Variants in GALNT5 observed in about 807,000 individuals in gnomAD.
The protein encoded by GALNT5 is UDP-GalNAc:polypeptide N-acetylgalactosaminyltransferase 5.
Under a neutral mutation model 85.4 loss-of-function variants are expected in GALNT5, and 72 were observed. The observed-to-expected ratio is 0.84, with a 90% CI of 0.70 to 1.03. GALNT5 has a LOEUF of 1.03. Among genes scored for constraint, GALNT5 ranks in the 50% least tolerant of loss-of-function variants. The pLI is 0.00. For missense variants in GALNT5, 1,137 were observed against 1,135.5 expected (o/e 1.00, Z -0.02); for synonymous variants, 404 against 397.0 (o/e 1.02, Z -0.21).
chr2:157,280,318 C>A (rs1682828449), intron 1 of GALNT5, among the ~76,000 whole-genome samples: 1 of 152,122 alleles, frequency 6.6e-6, no homozygotes. Context: ...TCACATGTAT[C>A]CTTATAAAAG....
chr2:157,274,325 G>A (rs1258588965), intron 1 of GALNT5, among the ~76,000 whole-genome samples: 1 of 152,140 alleles, frequency 6.6e-6, no homozygotes, highest in Admixed American at 6.6e-5. Context: ...ATAATCCTTT[G>A]GGTATATACC....
intron 9 of GALNT5, among the ~76,000 whole-genome samples, chr2:157,309,275 A>G (rs1458807231): frequency 6.6e-6 from 1 of 152,178 alleles, no homozygotes; most frequent in Non-Finnish European, 1.5e-5. Context: ...CCAGCTTTGC[A>G]TTTAATCATA....
chr2:157,307,034 A>G (rs774687863), intron 8 of GALNT5, among the ~76,000 whole-genome samples: 9 of 151,496 alleles, frequency 5.9e-5, no homozygotes, highest in Non-Finnish European at 1.3e-4. Flanking sequence ...AGGAATCATC[A>G]TAGCAGGGAG....
rs1682268819 is a variant in GALNT5, at chr2:157,258,976, G to A, written c.894G>A (p.Leu298=). The change falls in exon 1 of 10, where the codon TTG becomes TTA. Residue 298 remains leucine, a synonymous_variant. Coordinates refer to ENST00000259056, the MANE Select transcript of GALNT5 (RefSeq NM_014568.3). ...LRKQSINETP[L]GSLSKDDGAR... is the part of the protein sequence containing the mutation. ...AGCAATCTATTAATGAGACACCTTT[G>A]GGAAGTTTGTCAAAGGATGATGGAG... 5.3e-6 allele frequency: 8 copies of A among 1,502,674 alleles called. No homozygotes were observed. Among genetic ancestry groups the A allele is most frequent in the African/African-American group, 2.8e-5 (2 of 71,534 alleles). The allele number at this position is 1,502,674 out of a possible 1,614,324, so 93.1% of individuals were successfully genotyped here. A position where few individuals can be genotyped will look rare whatever the true frequency, so the allele number is the denominator to read the frequency against.
chr2:157,302,345 AT>A (rs1266110420), intron 7 of GALNT5: 3 of 152,344 alleles, frequency 2.0e-5, no homozygotes, highest in East Asian at 1.9e-4. Flanking sequence ...TCTTAAAAAA[AT>A]GGTTCTGTTT....
chr2:157,309,468 C>T (rs150810012), intron 9 of GALNT5, among the ~76,000 whole-genome samples: 78 of 152,288 alleles, frequency 5.1e-4, no homozygotes, highest in African/African-American at 1.5e-3. Context: ...TAACAGAATA[C>T]GGAGTCATAA....
At position 157,312,657 on chromosome 2, in the gene GALNT5, C is replaced by G. The variant is rs1683600981; in HGVS notation, c.*1309C>G. 1 of 151,958 alleles carries G rather than the reference C, an allele frequency of 6.6e-6. No individual in the cohort carries two copies. The highest frequency in any genetic ancestry group is 2.4e-5 in the African/African-American group (1 of 41,360). 9.4% of individuals were successfully genotyped at this position (151,958 alleles called of 1,614,324 possible). ...ATTCATTTTGGTAAGAAAACTGATG[C>G]TGAGAGGATAAATTACCTAAAAATC... On this transcript the variant is annotated 3_prime_UTR_variant, in exon 10 of 10. Transcript: ENST00000259056.
chr2:157,286,042 A>C lies in GALNT5; in HGVS notation c.1649A>C (p.Tyr550Ser). The C allele has an allele frequency of 6.2e-7, 1 of 1,600,816 alleles. No individual in the cohort carries two copies. Among genetic ancestry groups the C allele is most frequent in the Non-Finnish European group, 8.6e-7 (1 of 1,167,878 alleles). ...KDYLKDNLDK[Y>S]MSQFPKVRIL... ...TATCTAAAAGATAATTTGGATAAAT[A>C]CATGTCCCAGTTTCCAAAAGTTCGG... The change falls in exon 3 of 10, where the codon TAC becomes TCC. Residue 550 changes from tyrosine to serine, a missense_variant. Transcript: ENST00000259056.
At chr2:157,273,825 T>G (rs887343755) in intron 1 of GALNT5, among the ~76,000 whole-genome samples, 4 of 151,736 alleles carry the variant, frequency 2.6e-5, no homozygotes, top group Non-Finnish European at 5.9e-5. Context: ...TGTATTTTTT[T>G]TATTATACTT....
intron 5 of GALNT5, among the ~76,000 whole-genome samples, chr2:157,296,929 T>C (rs1004259553): frequency 9.9e-5 from 15 of 152,236 alleles, no homozygotes; most frequent in Admixed American, 5.9e-4. Context: ...AGCCTAATCC[T>C]ACCCCCTCCA....
At chr2:157,282,680 G>T (rs755212553) in intron 1 of GALNT5, among the ~76,000 whole-genome samples, 1 of 152,056 alleles carries the variant, frequency 6.6e-6, no homozygotes, top group Non-Finnish European at 1.5e-5. Context: ...TTCCAAATCA[G>T]TAATTAGAAA....
At chr2:157,293,109 G>A (rs1683134140) in intron 3 of GALNT5, among the ~76,000 whole-genome samples, 1 of 152,234 alleles carries the variant, frequency 6.6e-6, no homozygotes, top group Non-Finnish European at 1.5e-5. Flanking sequence ...AGGGGAGACA[G>A]CTGTCCCAAA....
intron 1 of GALNT5, among the ~76,000 whole-genome samples, chr2:157,260,758 G>A (rs949029894): frequency 6.6e-6 from 1 of 152,206 alleles, no homozygotes; most frequent in Non-Finnish European, 1.5e-5. Flanking sequence ...TTAGAAAGAA[G>A]AGTCTCTTCA....
intron 1 of GALNT5, among the ~76,000 whole-genome samples, chr2:157,260,555 C>A (rs975644243): frequency 6.6e-6 from 1 of 152,164 alleles, no homozygotes; most frequent in Non-Finnish European, 1.5e-5. Context: ...TAACTCAGTT[C>A]CCTAAGTCAA....
chr2:157,301,957 A>G (rs79221219), intron 7 of GALNT5, among the ~76,000 whole-genome samples: 2,558 of 152,278 alleles, frequency 0.017, 65 homozygotes, highest in African/African-American at 0.052. Flanking sequence ...GCCATTTCAA[A>G]CCCCTTCTAG....
chr2:157,291,641 C>CG (rs1297654338), intron 3 of GALNT5, among the ~76,000 whole-genome samples: 1 of 143,582 alleles, frequency 7.0e-6, no homozygotes, highest in African/African-American at 2.6e-5. Context: ...CCACCCCCCC[C>CG]CAGATTTTTA....
rs1287154444 is a variant in GALNT5 at position 157,317,174 on chromosome 2, G to A, written c.*5826G>A. On this transcript the variant is annotated 3_prime_UTR_variant, in exon 10 of 10. Transcript: ENST00000259056. ...TTTTGTAAATATACTGTATGTGTGT[G>A]TATATATATATATATATATATATAT... is the stretch of plus-strand genomic sequence containing the variant. Among the ~76,000 whole-genome samples the A allele has an allele frequency of 1.4e-5, 2 of 139,322 alleles. No individual in the cohort carries two copies. The highest frequency in any genetic ancestry group is 7.1e-5 in the Admixed American group (1 of 14,052). 91.4% of individuals were successfully genotyped at this position (139,322 alleles called of 152,430 possible).
At chr2:157,291,573 G>C (rs146685013) in intron 3 of GALNT5, among the ~76,000 whole-genome samples, 1 of 151,948 alleles carries the variant, frequency 6.6e-6, no homozygotes, top group Non-Finnish European at 1.5e-5. Flanking sequence ...ATAAGTGGGG[G>C]TCCATGCTCA....
chr2:157,279,815 T>C (rs1228177093), intron 1 of GALNT5, among the ~76,000 whole-genome samples: 3 of 152,238 alleles, frequency 2.0e-5, no homozygotes, highest in Admixed American at 2.0e-4. Flanking sequence ...TCACCCTCTG[T>C]GGGCTGCACC....
Sources: gnomAD v4.1 joint callset for allele counts (sites outside exome capture counted in the v4.1 genomes callset) on GRCh38, gnomAD v4.1.1 for gene constraint, MANE v1.5 for transcripts, NCBI Gene and HGNC (gene_info 2026-07-23, HGNC 2026-07-21) for gene names.